The following DTD1 variants were observed in gnomAD, a reference collection of about 807,000 sequenced individuals.
DTD1 encodes the protein D-aminoacyl-tRNA deacylase 1.
A neutral mutation model predicts 25.6 loss-of-function variants in DTD1; 13 were observed. The ratio of observed to expected loss-of-function variants is 0.51; its 90% CI spans 0.33 to 0.81. DTD1 has a LOEUF of 0.81. DTD1 is among the 30% of genes least tolerant of loss of function. DTD1 has a pLI of 0.02. For synonymous variants in DTD1, 110 were observed against 103.6 expected (o/e 1.06, Z -0.37); for missense variants, 193 against 266.4 (o/e 0.72, Z 1.92).
chr20:18,674,144 G>A (rs368545109), intron 4 of DTD1, among the ~76,000 whole-genome samples: 1 of 151,950 alleles, frequency 6.6e-6, no homozygotes, highest in East Asian at 1.9e-4. Flanking sequence ...CAGAGAAACT[G>A]TTGCAAGTGA....
chr20:18,664,822 G>T (rs183282051), intron 4 of DTD1, among the ~76,000 whole-genome samples: 5 of 152,202 alleles, frequency 3.3e-5, no homozygotes, highest in East Asian at 1.9e-4. Context: ...CAGTTTAGGG[G>T]CCCTGCAGGC....
chr20:18,744,655 A>AAAAAAAAAAAAAC lies in DTD1; in HGVS notation c.*19+384_*19+385insAAAAAAAAAAAAC, dbSNP rs10632823. Among the ~76,000 whole-genome samples, 6 of 119,934 alleles carry AAAAAAAAAAAAAC rather than the reference A, an allele frequency of 5.0e-5. 3 individuals carry two copies. The highest frequency in any genetic ancestry group is 3.4e-5 in the Non-Finnish European group (2 of 59,252). 78.7% of individuals were successfully genotyped at this position (119,934 alleles called of 152,430 possible). A position where few individuals can be genotyped will look rare whatever the true frequency, so the allele number is the denominator to read the frequency against. On this transcript the variant is annotated intron_variant, in intron 5 of 5. Coordinates refer to ENST00000377452, the MANE Select transcript of DTD1 (RefSeq NM_080820.6). ...CCATCTCAAAAAAAAAAAACAAAAA[A>AAAAAAAAAAAAAC]CAAGTGAAAGGGGTTTCCCCTTATA...
chr20:18,761,355 A>AAATAGGTGG, intron 5 of DTD1, among the ~76,000 whole-genome samples: 1 of 151,896 alleles, frequency 6.6e-6, no homozygotes, highest in Non-Finnish European at 1.5e-5. Context: ...CTATTTGGCC[A>AAATAGGTGG]TCTTGGCTCC....
At chr20:18,661,481 C>G (rs1022320522) in intron 4 of DTD1, among the ~76,000 whole-genome samples, 2 of 150,072 alleles carry the variant, frequency 1.3e-5, no homozygotes, top group African/African-American at 4.9e-5. Context: ...ATGCCATTCT[C>G]CTGCCTCAGC....
At chr20:18,675,005 A>G (rs950226195) in intron 4 of DTD1, 1 of 152,282 alleles carries the variant, frequency 6.6e-6, no homozygotes, top group Non-Finnish European at 1.5e-5. Context: ...AGGAATTTGG[A>G]CCATTGAGCC....
intron 4 of DTD1, among the ~76,000 whole-genome samples, chr20:18,715,709 GT>G (rs1300887114): frequency 6.6e-6 from 1 of 152,194 alleles, no homozygotes; most frequent in East Asian, 1.9e-4. Context: ...GGCAATGCTG[GT>G]TTTACTTGCA....
At position 18,749,207 on chromosome 20, in the gene DTD1, G is replaced by A. The variant is rs191890599; in HGVS notation, c.*19+4936G>A. On this transcript the variant is annotated intron_variant, in intron 5 of 5. Transcript: ENST00000377452. The surrounding 1 kb of genome is among the most constrained non-coding windows in gnomAD (Gnocchi z 4.2). ...TTGGGTTGCAGGAAACTTGGAAGCC[G>A]TGACAGGGATTCTGGAGGGAGAGCA... Among the ~76,000 whole-genome samples the A allele has an allele frequency of 2.4e-4, 36 of 152,272 alleles. No homozygotes were observed. The highest frequency in any genetic ancestry group is 1.6e-3 in the Admixed American group (25 of 15,298).
intron 4 of DTD1, among the ~76,000 whole-genome samples, chr20:18,629,389 C>T (rs2060774242): frequency 6.7e-6 from 1 of 149,308 alleles, no homozygotes; most frequent in African/African-American, 2.5e-5. Flanking sequence ...CAGCCTCGAC[C>T]TCCCAGGCTC....
intron 4 of DTD1, among the ~76,000 whole-genome samples, chr20:18,665,055 G>A (rs1056101004): frequency 9.9e-5 from 15 of 152,142 alleles, no homozygotes; most frequent in Non-Finnish European, 8.8e-5. Context: ...TATGTATCTC[G>A]GACCATTTTA....
chr20:18,657,691 T>C (rs2060895758), intron 4 of DTD1, among the ~76,000 whole-genome samples: 1 of 152,252 alleles, frequency 6.6e-6, no homozygotes, highest in Non-Finnish European at 1.5e-5. Flanking sequence ...TGTAACAGAT[T>C]ACCTCAAGCT....
chr20:18,603,291 A>G lies in DTD1; in HGVS notation c.370+7050A>G, dbSNP rs201429381. Among the ~76,000 whole-genome samples the G allele has an allele frequency of 0.012, 1,351 of 115,432 alleles. 77 individuals are homozygous for G. In the East Asian group the frequency reaches 0.14, roughly 12 times the overall value. 75.7% of individuals were successfully genotyped at this position (115,432 alleles called of 152,430 possible). ...TCATGAAGCAAGTCCTGAGTGACCTACAAAGAGACTTAGACTCCCACACAT... is the reference window on the plus strand; with the variant it reads ...TCATGAAGCAAGTCCTGAGTGACCTGCAAAGAGACTTAGACTCCCACACAT... On this transcript the variant is annotated intron_variant, in intron 3 of 5. Transcript: ENST00000377452.
chr20:18,753,642 G>C (rs1463619703), intron 5 of DTD1, among the ~76,000 whole-genome samples: 1 of 130,820 alleles, frequency 7.6e-6, no homozygotes, highest in African/African-American at 2.8e-5. Context: ...ATATAAATAA[G>C]TACAATATAC....
intron 4 of DTD1, among the ~76,000 whole-genome samples, chr20:18,732,222 A>G (rs1053651532): frequency 6.6e-6 from 1 of 152,240 alleles, no homozygotes; most frequent in Non-Finnish European, 1.5e-5. Flanking sequence ...TTGAAGAAAC[A>G]TTTTGAATCA....
intron 4 of DTD1, among the ~76,000 whole-genome samples, chr20:18,681,017 C>A (rs1000122722): frequency 2.6e-5 from 4 of 152,154 alleles, no homozygotes; most frequent in Admixed American, 2.6e-4. Flanking sequence ...TTCGCCAGTC[C>A]TTTTCTATAA....
chr20:18,600,780 C>T lies in DTD1; in HGVS notation c.370+4539C>T, dbSNP rs57225231. Among the ~76,000 whole-genome samples, 204 of 152,258 alleles carry T rather than the reference C, an allele frequency of 1.3e-3. 2 individuals carry two copies. The highest frequency in any genetic ancestry group is 4.8e-3 in the African/African-American group (199 of 41,556). On this transcript the variant is annotated intron_variant, in intron 3 of 5. Transcript: ENST00000377452. ...TTTAGTGCTCTGACTTCTTTAATCA[C>T]TTCTTTAATTTTTCTCATATAGATA... is the stretch of plus-strand genomic sequence containing the variant.
chr20:18,731,837 C>G (rs775486760), intron 4 of DTD1, among the ~76,000 whole-genome samples: 1 of 152,170 alleles, frequency 6.6e-6, no homozygotes, highest in Non-Finnish European at 1.5e-5. Context: ...CAGCCTTTTG[C>G]TTTTCTGGGA....
intron 4 of DTD1, among the ~76,000 whole-genome samples, chr20:18,635,782 A>G (rs1459282543): frequency 6.6e-6 from 1 of 152,206 alleles, no homozygotes; most frequent in African/African-American, 2.4e-5. Context: ...AAGCCTTTAC[A>G]AGGCTGGCAT....
intron 4 of DTD1, among the ~76,000 whole-genome samples, chr20:18,734,563 G>C (rs1290373280): frequency 6.6e-6 from 1 of 152,206 alleles, no homozygotes; most frequent in Non-Finnish European, 1.5e-5. Flanking sequence ...AGAAGTTTCT[G>C]TGGCCTAGCA....
chr20:18,588,387 C>T (rs959744648), intron 1 of DTD1, among the ~76,000 whole-genome samples: 1 of 152,172 alleles, frequency 6.6e-6, no homozygotes, highest in African/African-American at 2.4e-5. Context: ...CAGCGCGCCT[C>T]ATTCTCAGCA....
Sources: allele counts gnomAD v4.1 joint callset (sites outside exome capture counted in the v4.1 genomes callset), GRCh38; gene constraint gnomAD v4.1.1; non-coding constraint Gnocchi (gnomAD v3.1); transcripts MANE v1.5; gene names NCBI Gene and HGNC (gene_info 2026-07-23, HGNC 2026-07-21).